Variants in LRRFIP1 observed in about 807,000 individuals in gnomAD.
The protein encoded by LRRFIP1 is LRR binding FLII interacting protein 1.
A neutral mutation model predicts 104.4 loss-of-function variants in LRRFIP1; 62 were observed. The observed-to-expected ratio is 0.59, with a 90% CI of 0.48 to 0.73. The LOEUF is 0.73. Among genes scored for constraint, LRRFIP1 ranks in the 30% least tolerant of loss-of-function variants. The pLI is 0.00. For synonymous variants in LRRFIP1, 300 were observed against 299.0 expected (o/e 1.00, Z -0.03); for missense variants, 796 against 824.5 (o/e 0.97, Z 0.42).
chr2:237,722,924 C>T (rs1460151934), intron 6 of LRRFIP1, among the ~76,000 whole-genome samples: 4 of 152,164 alleles, frequency 2.6e-5, no homozygotes, highest in East Asian at 3.8e-4. Context: ...ACTGGCATCT[C>T]GCTCTATTTC....
intron 15 of LRRFIP1, 95 bp downstream of exon 15, chr2:237,753,574 T>C (rs901518470): frequency 9.3e-5 from 100 of 1,070,714 alleles, no homozygotes; most frequent in Non-Finnish European, 1.2e-4. Context: ...GGTGGGAGGA[T>C]TACTTGAGCC....
Position 237,739,236 on chromosome 2 carries a change from C to T in LRRFIP1, c.560C>T (p.Ser187Leu), listed in dbSNP as rs754027146. 50 of 1,558,998 alleles carry T rather than the reference C, an allele frequency of 3.2e-5. No individual in the cohort carries two copies. The highest frequency in any genetic ancestry group is 5.7e-5 in the Admixed American group (3 of 52,608). ...TGGCGGTGGCTGTGTGGGCAGCCCT[C>T]GGAGTACAGCGGCCACCTCAACTCC... is the stretch of plus-strand genomic sequence containing the variant. ...RGSTSGSRAP[S>L]EYSGHLNSSS... Residue 187 changes from serine to leucine, a missense_variant, in exon 11 of 24, where the codon TCG becomes TTG. Physicochemically the swap from Ser to Leu is moderately radical, Grantham distance 145. Coordinates refer to ENST00000308482, the MANE Select transcript of LRRFIP1 (RefSeq NM_001137550.2).
intron 20 of LRRFIP1, chr2:237,770,602 T>C (rs1404929355): frequency 2.0e-5 from 3 of 152,480 alleles, no homozygotes; most frequent in Non-Finnish European, 4.4e-5. Context: ...AAGAGCAGTC[T>C]GCCAACATGG....
chr2:237,762,364 C>G (rs980835676), intron 19 of LRRFIP1, among the ~76,000 whole-genome samples: 1 of 152,190 alleles, frequency 6.6e-6, no homozygotes, highest in Admixed American at 6.5e-5. Flanking sequence ...CACAAGATGG[C>G]ACCAGCAGCC....
chr2:237,702,429 T>A (rs1005531661), intron 1 of LRRFIP1, among the ~76,000 whole-genome samples: 1 of 152,162 alleles, frequency 6.6e-6, no homozygotes, highest in East Asian at 1.9e-4. Context: ...AGGCTGTGTG[T>A]TCTGAACAGG....
chr2:237,743,159 C>T (rs11684056), intron 11 of LRRFIP1, among the ~76,000 whole-genome samples: 1 of 152,084 alleles, frequency 6.6e-6, no homozygotes, highest in East Asian at 1.9e-4. Flanking sequence ...GACACGTATC[C>T]AGGGCCAGTA....
At position 237,723,550 on chromosome 2, in the gene LRRFIP1, G is replaced by A. The variant is rs781283494; in HGVS notation, c.348G>A (p.Ser116=). 1.3e-5 allele frequency: 21 copies of A among 1,613,080 alleles called. No individual in the cohort carries two copies. Among genetic ancestry groups the A allele is most frequent in the Middle Eastern group, 1.6e-4 (1 of 6,080 alleles). Residue 116 remains serine (S), a splice_region_variant and synonymous_variant, in exon 7 of 24, where the codon TCG becomes TCA. Coordinates refer to ENST00000308482, the MANE Select transcript of LRRFIP1 (RefSeq NM_001137550.2). ...TTCTGCCATCTTTCTTCTGACAGTCGCAGCCTGACTTGGAGTATGGGGGTC... is the reference window on the plus strand; with the variant it reads ...TTCTGCCATCTTTCTTCTGACAGTCACAGCCTGACTTGGAGTATGGGGGTC... ...MSVGSRGSLR[S]QPDLEYGGPY... is the part of the protein sequence containing the mutation.
chr2:237,659,347 C>T (rs879897693), intron 1 of LRRFIP1, among the ~76,000 whole-genome samples: 5 of 151,742 alleles, frequency 3.3e-5, no homozygotes, highest in African/African-American at 4.8e-5. Context: ...CCTCCTGCCC[C>T]GACCTCCCAA....
intron 18 of LRRFIP1, 128 bp from the exon 19 acceptor site, chr2:237,759,936 T>A: frequency 1.3e-6 from 1 of 769,620 alleles, no homozygotes. Context: ...CCCTAGCATT[T>A]CTCTTGTCTC....
At chr2:237,762,703 A>G (rs148310744) in intron 19 of LRRFIP1, 804 of 1,614,122 alleles carry the variant, frequency 5.0e-4, no homozygotes, top group Non-Finnish European at 6.5e-4. Flanking sequence ...CAGAGGACAC[A>G]GTGAAGGACT....
chr2:237,746,492 A>G (rs1027828099), intron 11 of LRRFIP1, among the ~76,000 whole-genome samples: 1 of 152,116 alleles, frequency 6.6e-6, no homozygotes, highest in African/African-American at 2.4e-5. Context: ...GCCAAATGAG[A>G]TGGTGCCCAT....
In LRRFIP1 at chr2:237,760,094, G is replaced by A. The variant is rs201556623; in HGVS notation, c.1348G>A (p.Ala450Thr). 31 of 1,613,762 alleles carry A rather than the reference G, an allele frequency of 1.9e-5. No homozygotes were observed. The highest frequency in any genetic ancestry group is 1.2e-4 in the Admixed American group (7 of 60,010). Residue 450 changes from alanine (A) to threonine (T), a missense_variant, in exon 19 of 24, where the codon GCT becomes ACT. Physicochemically the swap from Ala to Thr is moderately conservative, Grantham distance 58 (BLOSUM62 0). Transcript: ENST00000308482. ...KHGIILNSEI[A>T]TNGETSDTLN... Reference sequence around the variant, plus strand: ...TGGAATAATCCTAAATTCAGAAATAGCTACCAATGGAGAGACTTCCGACAC... The same window carrying A: ...TGGAATAATCCTAAATTCAGAAATAACTACCAATGGAGAGACTTCCGACAC...
intron 1 of LRRFIP1, among the ~76,000 whole-genome samples, chr2:237,635,216 G>A (rs1328756033): frequency 1.3e-5 from 2 of 152,196 alleles, no homozygotes; most frequent in African/African-American, 4.8e-5. Flanking sequence ...TACTTTGGTT[G>A]TGTATAGAGT....
intron 1 of LRRFIP1, among the ~76,000 whole-genome samples, chr2:237,685,744 C>T (rs2092319753): frequency 6.6e-6 from 1 of 152,210 alleles, no homozygotes; most frequent in Non-Finnish European, 1.5e-5. Flanking sequence ...TTCTCACTGT[C>T]CTTTCAGCCT....
intron 11 of LRRFIP1, among the ~76,000 whole-genome samples, chr2:237,741,207 C>CATATA (rs1199142588): frequency 6.6e-6 from 1 of 152,224 alleles, no homozygotes; most frequent in Non-Finnish European, 1.5e-5. Flanking sequence ...GTGCATCAGG[C>CATATA]AATAACAGGA....
intron 19 of LRRFIP1, chr2:237,763,366 T>G: frequency 2.5e-6 from 4 of 1,613,774 alleles, no homozygotes; most frequent in Non-Finnish European, 1.7e-6. Flanking sequence ...AAGAGCCCGA[T>G]GAAGAAAAGA....
intron 1 of LRRFIP1, among the ~76,000 whole-genome samples, chr2:237,663,885 C>T (rs1188551665): frequency 1.3e-5 from 2 of 152,140 alleles, no homozygotes; most frequent in Non-Finnish European, 2.9e-5. Context: ...GAGCCGTCAG[C>T]GGTCAGGGTG....
At chr2:237,755,550 T>C (rs1480211746) in intron 15 of LRRFIP1, among the ~76,000 whole-genome samples, 1 of 152,256 alleles carries the variant, frequency 6.6e-6, no homozygotes, top group Non-Finnish European at 1.5e-5. Flanking sequence ...CAGAAAATCC[T>C]TGTTGATTGC....
chr2:237,685,553 G>A (rs1249061707), intron 1 of LRRFIP1, among the ~76,000 whole-genome samples: 1 of 152,194 alleles, frequency 6.6e-6, no homozygotes, highest in South Asian at 2.1e-4. Flanking sequence ...TGCACAGGAA[G>A]CTCTGCATCT....
Sources: allele counts gnomAD v4.1 joint callset (sites outside exome capture counted in the v4.1 genomes callset), GRCh38; gene constraint gnomAD v4.1.1; transcripts MANE v1.5; gene names NCBI Gene and HGNC (gene_info 2026-07-23, HGNC 2026-07-21).